FBH1: variants seen among roughly 807,000 people sequenced by gnomAD.
FBH1 encodes the protein DNA 3'-5' helicase 1.
FBH1 carries 43 observed loss-of-function variants against 115.5 expected under a neutral mutation model. The observed-to-expected ratio is 0.37, with a 90% CI of 0.29 to 0.48. The LOEUF is 0.48. FBH1 is among the 20% of genes least tolerant of loss of function. The pLI is 0.99. For synonymous variants in FBH1, 524 were observed against 507.8 expected (o/e 1.03, Z -0.43); for missense variants, 1,001 against 1,337.3 (o/e 0.75, Z 3.92).
At chr10:5,922,525 G>C (rs1832374468) in intron 15 of FBH1, among the ~76,000 whole-genome samples, 1 of 152,116 alleles carries the variant, frequency 6.6e-6, no homozygotes, top group South Asian at 2.1e-4. Context: ...CATACACACT[G>C]GCATGATATA....
intron 1 of FBH1, chr10:5,891,088 A>G: frequency 1.0e-6 from 1 of 953,732 alleles, no homozygotes; most frequent in Non-Finnish European, 1.2e-6. Context: ...AGGCCTAACC[A>G]AGTCAGTGAC....
intron 1 of FBH1, among the ~76,000 whole-genome samples, chr10:5,901,470 T>G (rs1843342347): frequency 6.6e-6 from 1 of 152,118 alleles, no homozygotes; most frequent in Non-Finnish European, 1.5e-5. Context: ...CTGGAGTGTT[T>G]TTTAGGATCT....
chr10:5,890,426 G>T (rs781526734), intron 1 of FBH1, 80 bp downstream of exon 1: 43 of 351,964 alleles, frequency 1.2e-4, no homozygotes, highest in African/African-American at 2.2e-4. Context: ...GGTCCTGCGC[G>T]GGGGGTCCGG....
At position 5,923,334 on chromosome 10, in the gene FBH1, T is replaced by C. The variant is rs1832422845; in HGVS notation, c.2323-287T>C. Among the ~76,000 whole-genome samples the C allele has an allele frequency of 6.6e-6, 1 of 152,184 alleles. No individual in the cohort carries two copies. Among genetic ancestry groups the C allele is most frequent in the East Asian group, 1.9e-4 (1 of 5,198 alleles). ...TGGGAAAGCAGTATGCAGCTGTAGG[T>C]CTTGCCCTTTTTAAAAGCGTAGGAA... On this transcript the variant is annotated intron_variant, in intron 15 of 20. Transcript: ENST00000362091. The surrounding 1 kb of genome is among the most constrained non-coding windows in gnomAD (Gnocchi z 5.7).
Position 5,906,307 on chromosome 10 carries a change from T to G in FBH1, c.428T>G (p.Val143Gly), listed in dbSNP as rs1399141841. 12 of 1,613,206 alleles carry G rather than the reference T, an allele frequency of 7.4e-6. No homozygotes were observed. In the East Asian group the frequency reaches 2.7e-4, roughly 36 times the overall value. Residue 143 changes from valine to glycine, a missense_variant, in exon 3 of 21, where the codon GTT (valine) becomes GGT (glycine). Val to Gly is a moderately radical substitution (Grantham distance 109, BLOSUM62 -3). Coordinates refer to ENST00000362091, the MANE Select transcript of FBH1 (RefSeq NM_178150.3). The surrounding 1 kb of genome is among the most constrained non-coding windows in gnomAD (Gnocchi z 7.3). ...ACCGGGACCAGCCGGTGGGATGGAGTTTCTAAGAAAGCTCCACGGCACCAT... is the reference window on the plus strand; with the variant it reads ...ACCGGGACCAGCCGGTGGGATGGAGGTTCTAAGAAAGCTCCACGGCACCAT... ...QATGTSRWDG[V>G]SKKAPRHHLS...
In FBH1 at chr10:5,936,650, C is replaced by G. The variant is rs1833378578; in HGVS notation, c.2961+63C>G. 1 of 1,594,128 alleles carries G rather than the reference C, an allele frequency of 6.3e-7. No homozygotes were observed. On this transcript the variant is annotated intron_variant, in intron 20 of 20. Coordinates refer to ENST00000362091, the MANE Select transcript of FBH1 (RefSeq NM_178150.3). The surrounding 1 kb of genome is among the most constrained non-coding windows in gnomAD (Gnocchi z 5.6). ...GCATTTTTTGCTTGTGAGCTCTGTG[C>G]TTATCTGGGTTGTAGGTGAGGAGAT...
At chr10:5,930,137 C>G (rs1832886744) in intron 19 of FBH1, among the ~76,000 whole-genome samples, 1 of 152,198 alleles carries the variant, frequency 6.6e-6, no homozygotes, top group South Asian at 2.1e-4. Context: ...TATATGTACA[C>G]ATCTCCAAAA....
intron 1 of FBH1, among the ~76,000 whole-genome samples, chr10:5,898,278 A>G (rs1264541919): frequency 6.6e-6 from 1 of 152,208 alleles, no homozygotes; most frequent in Non-Finnish European, 1.5e-5. Context: ...TTCCTGGTTC[A>G]TAGACGGCAC....
chr10:5,906,221 A>G lies in FBH1; in HGVS notation c.342A>G (p.Pro114=). The G allele has an allele frequency of 1.9e-6, 3 of 1,614,234 alleles. No individual in the cohort carries two copies. The highest frequency in any genetic ancestry group is 2.5e-6 in the Non-Finnish European group (3 of 1,180,036). Residue 114 remains proline (P), a synonymous_variant, in exon 3 of 21, where the codon CCA becomes CCG. Coordinates refer to ENST00000362091, the MANE Select transcript of FBH1 (RefSeq NM_178150.3). This position sits in a 1 kb window ranked among gnomAD's most constrained non-coding sequence, Gnocchi z 7.3. ...PQEGSAGPGS[P]GSAPPSRKRS... ...AAGGCAGTGCAGGGCCGGGCTCACC[A>G]GGGTCTGCCCCGCCCTCCAGGAAGC...
In FBH1 at chr10:5,924,594, G is replaced by A. The variant is rs1402469126; in HGVS notation, c.2596+86G>A. ...GTTCTTTTTTTTTTTTTGAGACAGA[G>A]TATTGCTCTGTTGCCCAGGCTGGAG... On this transcript the variant is annotated intron_variant, in intron 17 of 20. Coordinates refer to ENST00000362091, the MANE Select transcript of FBH1 (RefSeq NM_178150.3). This position sits in a 1 kb window ranked among gnomAD's most constrained non-coding sequence, Gnocchi z 6.2. 18 of 1,342,594 alleles carry A rather than the reference G, an allele frequency of 1.3e-5. No homozygotes were observed. The South Asian group carries it at 1.5e-4, about 11-fold the overall frequency. 83.2% of individuals were successfully genotyped at this position (1,342,594 alleles called of 1,614,324 possible). A position where few individuals can be genotyped will look rare whatever the true frequency, so the allele number is the denominator to read the frequency against.
intron 6 of FBH1, among the ~76,000 whole-genome samples, chr10:5,912,609 G>A (rs1484396452): frequency 1.3e-5 from 2 of 152,162 alleles, no homozygotes; most frequent in Non-Finnish European, 2.9e-5. Context: ...GCCAGGCATC[G>A]GTGGCAAGGT....
rs1414357651 is a variant in FBH1 at position 5,914,062 on chromosome 10, C to A, written c.1305-116C>A. On this transcript the variant is annotated intron_variant, in intron 7 of 20. Transcript: ENST00000362091. The surrounding 1 kb of genome is among the most constrained non-coding windows in gnomAD (Gnocchi z 5.2). ...CATGTTTATTCTCGTAAGGGGAGGC[C>A]TTTTTTTTGGTCAGCTTTTGTTTAT... 8.6e-6 allele frequency: 9 copies of A among 1,041,818 alleles called. No individual in the cohort carries two copies. Among genetic ancestry groups the A allele is most frequent in the Non-Finnish European group, 1.3e-5 (9 of 696,966 alleles). The allele number at this position is 1,041,818 out of a possible 1,614,324, so 64.5% of individuals were successfully genotyped here.
rs576805529 is a variant in FBH1, at chr10:5,913,977, A to G, written c.1304+138A>G. 7.8e-5 allele frequency: 64 copies of G among 825,418 alleles called. No homozygotes were observed. In the South Asian group the frequency reaches 9.7e-4, roughly 12 times the overall value. 51.1% of individuals were successfully genotyped at this position (825,418 alleles called of 1,614,324 possible). A position where few individuals can be genotyped will look rare whatever the true frequency, so the allele number is the denominator to read the frequency against. On this transcript the variant is annotated intron_variant, in intron 7 of 20. Transcript: ENST00000362091. This position sits in a 1 kb window ranked among gnomAD's most constrained non-coding sequence, Gnocchi z 4.4. ...AATTGTGTAAAACTCACCCATCCTA[A>G]GAGTGTGATTCAGTGACATTGCCTG... is the stretch of plus-strand genomic sequence containing the variant.
chr10:5,906,401 T>C lies in FBH1; in HGVS notation c.522T>C (p.Ser174=). 1 of 1,614,152 alleles carries C rather than the reference T, an allele frequency of 6.2e-7. No homozygotes were observed. Among genetic ancestry groups the C allele is most frequent in the African/African-American group, 1.3e-5 (1 of 75,070 alleles). Residue 174 remains serine, a synonymous_variant, in exon 3 of 21, where the codon TCT becomes TCC. Coordinates refer to ENST00000362091, the MANE Select transcript of FBH1 (RefSeq NM_178150.3). This position sits in a 1 kb window ranked among gnomAD's most constrained non-coding sequence, Gnocchi z 7.3. ...QEAEDSTSRL[S]AESGETDQDA... is the part of the protein sequence containing the mutation. ...CAGAGGACAGTACGTCTCGGCTCTC[T>C]GCGGAGTCTGGTGAAACCGACCAAG...
chr10:5,899,315 T>G (rs1242639070), intron 1 of FBH1, among the ~76,000 whole-genome samples: 1 of 152,156 alleles, frequency 6.6e-6, no homozygotes, highest in Non-Finnish European at 1.5e-5. Flanking sequence ...GTTTTGTTTG[T>G]TTTGTTTTGT....
rs56065445 is a variant in FBH1 at position 5,932,805 on chromosome 10, C to T, written c.2830-3651C>T. 0.023 allele frequency among the ~76,000 whole-genome samples: 3,512 copies of T among 152,244 alleles called. 104 individuals carry two copies. The highest frequency in any genetic ancestry group is 0.072 in the African/African-American group (3,006 of 41,514). On this transcript the variant is annotated intron_variant, in intron 19 of 20. Coordinates refer to ENST00000362091, the MANE Select transcript of FBH1 (RefSeq NM_178150.3). The surrounding 1 kb of genome is among the most constrained non-coding windows in gnomAD (Gnocchi z 5.9). ...CAATCTTGGCCCACTGCAACCTCCGCCTCCCAGGCTCAAGCCATCCTCCCA... is the reference window on the plus strand; with the variant it reads ...CAATCTTGGCCCACTGCAACCTCCGTCTCCCAGGCTCAAGCCATCCTCCCA...
In FBH1 at chr10:5,921,037, T is replaced by A. The variant is rs180730296; in HGVS notation, c.2101-221T>A. Among the ~76,000 whole-genome samples, 432 of 152,354 alleles carry A rather than the reference T, an allele frequency of 2.8e-3. 3 individuals are homozygous for A. The highest frequency in any genetic ancestry group is 4.9e-3 in the Non-Finnish European group (331 of 68,036). The stretch of plus-strand genomic sequence containing the variant: ...TTTGATTTGGAGAAAAGGGTAGATT[T>A]GCTTAAAAGAAAAATTTACTATTGG... On this transcript the variant is annotated intron_variant, in intron 13 of 20. Coordinates refer to ENST00000362091, the MANE Select transcript of FBH1 (RefSeq NM_178150.3). The surrounding 1 kb of genome is among the most constrained non-coding windows in gnomAD (Gnocchi z 6.4).
chr10:5,892,189 T>C (rs1842773036), intron 1 of FBH1, among the ~76,000 whole-genome samples: 1 of 152,210 alleles, frequency 6.6e-6, no homozygotes, highest in Non-Finnish European at 1.5e-5. Context: ...TGCAGACTTT[T>C]GGAGGTTGTG....
chr10:5,901,268 G>A lies in FBH1; in HGVS notation c.2-1752G>A, dbSNP rs368813183. ...GCTCACTGCAACCTCTGCCTCCCAC[G>A]TTCAAGCGATACTCCTGCCTCAGCC... is the stretch of plus-strand genomic sequence containing the variant. On this transcript the variant is annotated intron_variant, in intron 1 of 20. Coordinates refer to ENST00000362091, the MANE Select transcript of FBH1 (RefSeq NM_178150.3). Among the ~76,000 whole-genome samples the A allele has an allele frequency of 4.4e-4, 67 of 152,186 alleles. No individual in the cohort carries two copies. In the East Asian group the frequency reaches 9.7e-3, roughly 22 times the overall value.
Sources: gnomAD v4.1 joint callset for allele counts (sites outside exome capture counted in the v4.1 genomes callset) on GRCh38, gnomAD v4.1.1 for gene constraint, Gnocchi (gnomAD v3.1) non-coding constraint, MANE v1.5 for transcripts, NCBI Gene and HGNC (gene_info 2026-07-23, HGNC 2026-07-21) for gene names.